The following TBX1 variants were observed in gnomAD, a reference collection of about 807,000 sequenced individuals.
TBX1 encodes T-box transcription factor TBX1.
A neutral mutation model predicts 40.8 loss-of-function variants in TBX1; 16 were observed. That is an observed-to-expected ratio of 0.39 (90% CI 0.27 to 0.60). The LOEUF is 0.60. TBX1 is among the 20% of genes least tolerant of loss of function. The pLI is 0.51. For synonymous variants in TBX1, 403 were observed against 336.8 expected, an observed-to-expected ratio of 1.20 and a Z score of -2.15; for missense variants, 755 against 728.5, an observed-to-expected ratio of 1.04 and a Z score of -0.42.
Position 19,766,462 on chromosome 22 carries a change from T to A in TBX1, c.1110T>A (p.Pro370=), listed in dbSNP as rs1390758133. ...CAGTGCTCGGGGACCCGGCGCATCC[T>A]CCGCAGCTGCTGGCCCGGGTGCTAA... The part of the protein sequence containing the change: ...GPAVLGDPAH[P]PQLLARVLSP... Residue 370 remains proline, a synonymous_variant, in exon 7 of 7, where the codon CCT becomes CCA. Transcript: ENST00000649276. 10 of 1,327,782 alleles carry A rather than the reference T, an allele frequency of 7.5e-6. No homozygotes were observed. The highest frequency in any genetic ancestry group is 1.6e-5 in the African/African-American group (1 of 64,500). 82.3% of individuals were successfully genotyped at this position (1,327,782 alleles called of 1,614,324 possible).
chr22:19,776,963 C>A (rs1937074720), intron 8 of TBX1, among the ~76,000 whole-genome samples: 2 of 152,154 alleles, frequency 1.3e-5, no homozygotes, highest in Admixed American at 6.5e-5. Flanking sequence ...AGGGCCAGCA[C>A]ACGGGGTGGG....
downstream of TBX1, chr22:19,767,456 G>C: frequency 1.1e-6 from 1 of 918,614 alleles, no homozygotes; most frequent in Non-Finnish European, 1.3e-6. Context: ...CCGACTGTAG[G>C]TCGGTCCCGG....
upstream of TBX1, among the ~76,000 whole-genome samples, chr22:19,757,317 G>C (rs41299445): frequency 0.16 from 23,827 of 152,034 alleles, 2,558 homozygotes; most frequent in East Asian, 0.47. Context: ...GGGGTTAATG[G>C]GGGCTGGAAG....
chr22:19,765,003 G>A lies in TBX1; in HGVS notation c.757G>A (p.Val253Ile). 1 of 1,614,174 alleles carries A rather than the reference G, an allele frequency of 6.2e-7. No homozygotes were observed. Among genetic ancestry groups the A allele is most frequent in the South Asian group, 1.1e-5 (1 of 91,074 alleles). ...CAGATACCAGCCCCGCTTCCACGTG[G>A]TCTATGTGGACCCACGCAAAGATAG... ...MHRYQPRFHVVYVDPRKDSEK... is the reference protein window; with the variant it reads ...MHRYQPRFHVIYVDPRKDSEK... The change falls in exon 4 of 7, where the codon GTC becomes ATC. Residue 253 changes from valine to isoleucine, a missense_variant. By Grantham distance (29) the Val-to-Ile change is conservative. This residue lies in a region of TBX1 where 144 missense variants were observed against 238.0 expected (regional missense o/e 0.61). Coordinates refer to ENST00000649276, the MANE Select transcript of TBX1 (RefSeq NM_001379200.1).
Position 19,766,823 on chromosome 22 carries a change from G to T in TBX1, c.1471G>T (p.Ala491Ser). The T allele has an allele frequency of 1.3e-6, 2 of 1,562,690 alleles. No homozygotes were observed. The highest frequency in any genetic ancestry group is 1.1e-5 in the South Asian group (1 of 87,304). The change falls in exon 7 of 7, where the codon GCC becomes TCC. Residue 491 changes from alanine to serine, a missense_variant. Ala to Ser is a moderately conservative substitution (Grantham distance 99). Coordinates refer to ENST00000649276, the MANE Select transcript of TBX1 (RefSeq NM_001379200.1). Reference sequence around the variant, plus strand: ...CGCGGCCGCCAACATGTACTCGTCGGCCGGAGCCGCGCCGCCCGGCTCCTA... The same window carrying T: ...CGCGGCCGCCAACATGTACTCGTCGTCCGGAGCCGCGCCGCCCGGCTCCTA... ...AAAAANMYSS[A>S]GAAPPGSYDY...
chr22:19,761,365 G>A (rs1405607404), intron 1 of TBX1, 85 bp downstream of exon 1: 54 of 1,360,374 alleles, frequency 4.0e-5, no homozygotes, highest in Non-Finnish European at 4.9e-5. Flanking sequence ...CGCGAGCGGG[G>A]CCGAAAGCCG....
chr22:19,775,762 A>G (rs1937055323), intron 8 of TBX1, among the ~76,000 whole-genome samples: 1 of 152,140 alleles, frequency 6.6e-6, no homozygotes, highest in African/African-American at 2.4e-5. Flanking sequence ...CCCAAGTCCC[A>G]CCTGGCATGA....
chr22:19,771,418 A>G (rs1936988117), downstream of TBX1, among the ~76,000 whole-genome samples: 1 of 152,222 alleles, frequency 6.6e-6, no homozygotes, highest in African/African-American at 2.4e-5. Flanking sequence ...GTCTCTCTTT[A>G]ACCGCTGCCA....
At chr22:19,774,687 G>GC (rs1937038667) in intron 8 of TBX1, among the ~76,000 whole-genome samples, 1 of 152,140 alleles carries the variant, frequency 6.6e-6, no homozygotes, top group African/African-American at 2.4e-5. Flanking sequence ...GAACCCTGAG[G>GC]TCCTTATGCT....
Position 19,764,300 on chromosome 22 carries a change from A to C in TBX1, c.685A>C (p.Asn229His). The C allele has an allele frequency of 6.2e-7, 1 of 1,613,234 alleles. No individual in the cohort carries two copies. Among genetic ancestry groups the C allele is most frequent in the Non-Finnish European group, 8.5e-7 (1 of 1,179,940 alleles). ...GTCCTTCGACAAGCTCAAGCTGACC[A>C]ACAACCTACTGGACGACAACGGCCA... Reference protein sequence around the residue: ...IVSFDKLKLTNNLLDDNGHII... With the variant: ...IVSFDKLKLTHNLLDDNGHII... The change falls in exon 3 of 7, where the codon AAC (asparagine) becomes CAC (histidine). Residue 229 changes from asparagine (N) to histidine (H), a missense_variant. Around this residue, in one of 3 missense-constraint regions of TBX1, gnomAD observed 144 missense variants for 238.0 expected, o/e 0.61. Transcript: ENST00000649276.
exon 9 of TBX1, chr22:19,779,534 G>A: frequency 1.3e-6 from 2 of 1,525,136 alleles, no homozygotes; most frequent in Middle Eastern, 2.3e-4. Flanking sequence ...TAAAGTGCAT[G>A]TTTTGTAATA....
chr22:19,781,186 C>T (rs1937139514), downstream of TBX1, among the ~76,000 whole-genome samples: 3 of 152,140 alleles, frequency 2.0e-5, no homozygotes, highest in African/African-American at 7.2e-5. Context: ...TGATGCTGTG[C>T]CTGCTGGCTA....
At chr22:19,761,475 C>G (rs945229111) in intron 1 of TBX1, among the ~76,000 whole-genome samples, 195 bp downstream of exon 1, 14 of 151,900 alleles carry the variant, frequency 9.2e-5, no homozygotes, top group African/African-American at 3.4e-4. Flanking sequence ...CCGGCGCTCC[C>G]CTCCTAACAC....
chr22:19,783,415 C>A, downstream of TBX1: 1 of 326,182 alleles, frequency 3.1e-6, no homozygotes, highest in Non-Finnish European at 6.0e-6. Flanking sequence ...ATGGTGGAAG[C>A]AGTTCACTTA....
At chr22:19,762,382 G>A (rs952628023) in intron 1 of TBX1, among the ~76,000 whole-genome samples, 1 of 152,250 alleles carries the variant, frequency 6.6e-6, no homozygotes, top group Non-Finnish European at 1.5e-5. Context: ...CTTGTGAGGG[G>A]AGGCAGAGGG....
chr22:19,768,682 C>T (rs1247463322), downstream of TBX1, among the ~76,000 whole-genome samples: 1 of 152,190 alleles, frequency 6.6e-6, no homozygotes, highest in East Asian at 1.9e-4. Flanking sequence ...GGCAGCCATT[C>T]CGTACTCCAC....
chr22:19,765,998 GA>G lies in TBX1; in HGVS notation c.1035del (p.Asp346ThrfsTer33). On this transcript the variant is annotated frameshift_variant, in exon 6 of 7. Coordinates refer to ENST00000649276, the MANE Select transcript of TBX1 (RefSeq NM_001379200.1). LOFTEE classifies it high-confidence loss of function. ...CCCCGACGCAGCCCAGCGGCACGGA[GA>G]AAGGTAGGGCCGGGGTCGTGGGATC... The part of the protein sequence containing the change: ...ASPTQPSGTE[K>X]DAAEARREFQ... 2 of 1,509,640 alleles carry G rather than the reference GA, an allele frequency of 1.3e-6. No individual in the cohort carries two copies. The highest frequency in any genetic ancestry group is 2.7e-5 in the East Asian group (1 of 37,144). 93.5% of individuals were successfully genotyped at this position (1,509,640 alleles called of 1,614,324 possible). A position where few individuals can be genotyped will look rare whatever the true frequency, so the allele number is the denominator to read the frequency against.
Position 19,761,026 on chromosome 22 carries a change from G to T in TBX1, c.183G>T (p.Pro61=), listed in dbSNP as rs1422322991. The T allele has an allele frequency of 8.9e-6, 8 of 896,018 alleles. No homozygotes were observed. Among genetic ancestry groups the T allele is most frequent in the Admixed American group, 6.4e-5 (1 of 15,566 alleles). The allele number at this position is 896,018 out of a possible 1,614,324, so 55.5% of individuals were successfully genotyped here. ...CGCCGCCGCCGCCGCGCTACGACCC[G>T]TGCGCCGCCGCCGCCCCCGGCGCCC... The part of the protein sequence containing the change: ...EPPPPPPRYD[P]CAAAAPGAPG... Residue 61 remains proline, a synonymous_variant, in exon 1 of 7, where the codon CCG becomes CCT. Coordinates refer to ENST00000649276, the MANE Select transcript of TBX1 (RefSeq NM_001379200.1).
intron 8 of TBX1, among the ~76,000 whole-genome samples, chr22:19,776,932 G>C (rs543015846): frequency 6.6e-6 from 1 of 152,182 alleles, no homozygotes; most frequent in African/African-American, 2.4e-5. Flanking sequence ...ACAGAACACA[G>C]ATCAGCCAGT....
Sources: gnomAD v4.1 joint callset for allele counts (sites outside exome capture counted in the v4.1 genomes callset) on GRCh38, gnomAD v4.1.1 for gene constraint, gnomAD v4.1.1 regional missense constraint, MANE v1.5 for transcripts, NCBI Gene and HGNC (gene_info 2026-07-23, HGNC 2026-07-21) for gene names.